REXO5: variants seen among roughly 807,000 people sequenced by gnomAD.
REXO5 encodes RNA exonuclease 5, also known as exonuclease NEF-sp.
A neutral mutation model predicts 88.5 loss-of-function variants in REXO5; 48 were observed. The observed-to-expected ratio is 0.54, with a 90% CI of 0.43 to 0.69. The LOEUF is 0.69. Among genes scored for constraint, REXO5 ranks in the 30% least tolerant of loss-of-function variants. REXO5 has a pLI of 0.00. For synonymous variants in REXO5, 311 were observed against 336.5 expected (o/e 0.92, Z 0.83); for missense variants, 749 against 912.2 (o/e 0.82, Z 2.30).
rs368224030 is a variant in REXO5, at chr16:20,843,649, G to A, written c.1627-285G>A. ...AAAAGACAAATGGGAATCTCTGCCC[G>A]TGACTTGCAGTGATGACTTTAGTGA... On this transcript the variant is annotated intron_variant, in intron 15 of 19. Transcript: ENST00000261377. Among the ~76,000 whole-genome samples the A allele has an allele frequency of 1.2e-4, 19 of 152,332 alleles. No individual in the cohort carries two copies. In the East Asian group the frequency reaches 2.7e-3, roughly 22 times the overall value.
intron 5 of REXO5, among the ~76,000 whole-genome samples, chr16:20,820,671 C>G (rs962900402): frequency 7.1e-6 from 1 of 140,310 alleles, no homozygotes; most frequent in South Asian, 2.4e-4. Context: ...TCAAGCAATT[C>G]TTGTGCCTTA....
intron 5 of REXO5, among the ~76,000 whole-genome samples, chr16:20,820,795 C>G (rs531998447): frequency 6.6e-6 from 1 of 151,400 alleles, no homozygotes; most frequent in East Asian, 1.9e-4. Context: ...AACTCCTGAC[C>G]TCAAGGGTTC....
rs775151702 is a variant in REXO5, at chr16:20,844,841, C to T, written c.1932C>T (p.Phe644=). 6.2e-7 allele frequency: 1 copy of T among 1,613,020 alleles called. No homozygotes were observed. Among genetic ancestry groups the T allele is most frequent in the East Asian group, 2.2e-5 (1 of 44,870 alleles). The change falls in exon 17 of 20, where the codon TTC becomes TTT. Residue 644 remains phenylalanine, a synonymous_variant. Coordinates refer to ENST00000261377, the MANE Select transcript of REXO5 (RefSeq NM_030941.3). The stretch of plus-strand genomic sequence containing the variant: ...GTGGAAAGCAGAAAAAATACTGTTT[C>T]CTGAGTAAGTCTATGCTACTGAATG... ...LKSGKQKKYC[F]LKFKSFGSAQ... is the part of the protein sequence containing the mutation.
chr16:20,827,008 G>T (rs1227489764), intron 8 of REXO5, 50 bp from the exon 9 acceptor site: 1 of 1,577,876 alleles, frequency 6.3e-7, no homozygotes, highest in African/African-American at 1.4e-5. Flanking sequence ...TTCCAGAGAG[G>T]AAAACTTGTT....
intron 2 of REXO5, among the ~76,000 whole-genome samples, chr16:20,808,441 C>T (rs920717078): frequency 7.9e-5 from 12 of 152,132 alleles, no homozygotes; most frequent in African/African-American, 2.9e-4. Flanking sequence ...TGAGCCACTG[C>T]ACCCAGCTAT....
rs116150993 is a variant in REXO5, at chr16:20,834,812, A to G, written c.1383+1689A>G. ...GAAGTTAACTTTTGTTCTATTTTGT[A>G]TCTTCCATGTGTCTAGTTAACATTC... is the stretch of plus-strand genomic sequence containing the variant. On this transcript the variant is annotated intron_variant, in intron 13 of 19. Transcript: ENST00000261377. Among the ~76,000 whole-genome samples the G allele has an allele frequency of 1.5e-3, 235 of 152,254 alleles. 2 individuals carry two copies. The highest frequency in any genetic ancestry group is 4.9e-3 in the Admixed American group (75 of 15,296).
intron 13 of REXO5, among the ~76,000 whole-genome samples, chr16:20,835,060 A>T (rs979759090): frequency 1.3e-5 from 2 of 152,064 alleles, no homozygotes; most frequent in Non-Finnish European, 1.5e-5. Flanking sequence ...ATATTTTTGT[A>T]TTTCTATAAA....
intron 15 of REXO5, among the ~76,000 whole-genome samples, chr16:20,840,807 C>T (rs1386538274): frequency 6.6e-6 from 1 of 152,052 alleles, no homozygotes; most frequent in Non-Finnish European, 1.5e-5. Context: ...CACATTGCTA[C>T]AAACAATTTA....
intron 2 of REXO5, among the ~76,000 whole-genome samples, chr16:20,812,827 T>C (rs1369463899): frequency 1.3e-5 from 2 of 152,224 alleles, no homozygotes; most frequent in Non-Finnish European, 2.9e-5. Flanking sequence ...CTAAGGCAGT[T>C]AGACTCCTTG....
At chr16:20,830,993 T>G (rs1455755172) in intron 11 of REXO5, among the ~76,000 whole-genome samples, 2 of 139,084 alleles carry the variant, frequency 1.4e-5, no homozygotes, top group Admixed American at 7.1e-5. Flanking sequence ...TTTTTCTGTT[T>G]TTTTTTTTTT....
rs753270619 is a variant in REXO5 at position 20,846,284 on chromosome 16, T to C, written c.2188T>C (p.Tyr730His). Residue 730 changes from tyrosine (Y) to histidine (H), a missense_variant, in exon 19 of 20, where the codon TAC becomes CAC. By Grantham distance (83) the Tyr-to-His change is moderately conservative. Transcript: ENST00000261377. ...WRWSRKIGKL[Y>H]NSLCPGTLCL... ...CTGGAGCCGGAAGATTGGAAAGCTC[T>C]ACAACAGCTTGTGCCCGGGCACTCT... The C allele has an allele frequency of 1.2e-6, 2 of 1,613,904 alleles. No individual in the cohort carries two copies. The highest frequency in any genetic ancestry group is 1.1e-5 in the South Asian group (1 of 91,076).
chr16:20,830,368 G>A (rs1021505916), intron 11 of REXO5, among the ~76,000 whole-genome samples: 6 of 143,016 alleles, frequency 4.2e-5, no homozygotes, highest in East Asian at 2.0e-4. Context: ...TTTTTTTTTT[G>A]TATTTTTATT....
At chr16:20,823,535 T>C (rs1447389596) in intron 6 of REXO5, 1 of 152,206 alleles carries the variant, frequency 6.6e-6, no homozygotes, top group Non-Finnish European at 1.5e-5. Flanking sequence ...ATAATATAGA[T>C]AAGGTAGGCA....
At chr16:20,840,936 C>A (rs1002063305) in intron 15 of REXO5, among the ~76,000 whole-genome samples, 3 of 152,048 alleles carry the variant, frequency 2.0e-5, no homozygotes, top group Non-Finnish European at 4.4e-5. Flanking sequence ...TATGATTGTA[C>A]CTCAGCTTTA....
chr16:20,844,999 T>C, intron 17 of REXO5, 55 bp from the exon 18 acceptor site: 1 of 1,587,794 alleles, frequency 6.3e-7, no homozygotes, highest in African/African-American at 1.3e-5. Flanking sequence ...GCAGCTTGGA[T>C]GGTGATCAGC....
chr16:20,827,566 G>GT (rs1353578803), intron 10 of REXO5, 119 bp downstream of exon 10: 17 of 717,248 alleles, frequency 2.4e-5, no homozygotes, highest in Admixed American at 1.7e-4. Context: ...CTTTAAACAT[G>GT]TTTTTTTGCA....
At position 20,827,359 on chromosome 16, in the gene REXO5, C is replaced by T. The variant is rs748387286; in HGVS notation, c.967C>T (p.His323Tyr). 3.7e-6 allele frequency: 6 copies of T among 1,611,360 alleles called. No individual in the cohort carries two copies. The highest frequency in any genetic ancestry group is 5.1e-6 in the Non-Finnish European group (6 of 1,178,240). The change falls in exon 10 of 20, where the codon CAT becomes TAT. Residue 323 changes from histidine (H) to tyrosine (Y), a missense_variant. Physicochemically the swap from His to Tyr is moderately conservative, Grantham distance 83. Coordinates refer to ENST00000261377, the MANE Select transcript of REXO5 (RefSeq NM_030941.3). ...TATTCTCTTTCTTCCTCAGATGATA[C>T]ATCCATATGTTATTGATACATCGTT... ...DLDLRALKMI[H>Y]PYVIDTSLLY...
At position 20,845,145 on chromosome 16, in the gene REXO5, G is replaced by GCACCT; in HGVS notation, c.2030_2034dup (p.His679ThrfsTer34). 6.2e-7 allele frequency: 1 copy of GCACCT among 1,614,126 alleles called. No individual in the cohort carries two copies. The highest frequency in any genetic ancestry group is 8.5e-7 in the Non-Finnish European group (1 of 1,180,022). On this transcript the variant is annotated frameshift_variant, in exon 18 of 20. Coordinates refer to ENST00000261377, the MANE Select transcript of REXO5 (RefSeq NM_030941.3). LOFTEE classifies it high-confidence loss of function. The stretch of plus-strand genomic sequence containing the variant: ...AAGGCAGGCATGCCCTAACCCCCAG[G>GCACCT]CACCTCCATGCCTGGCTCAGAGGCT...
At chr16:20,825,057 T>A (rs542574541) in intron 7 of REXO5, among the ~76,000 whole-genome samples, 1 of 152,320 alleles carries the variant, frequency 6.6e-6, no homozygotes, top group African/African-American at 2.4e-5. Flanking sequence ...TAATCAGGTC[T>A]TTGCATGTTG....
Sources: gnomAD v4.1 joint callset for allele counts (sites outside exome capture counted in the v4.1 genomes callset) on GRCh38, gnomAD v4.1.1 for gene constraint, MANE v1.5 for transcripts, NCBI Gene and HGNC (gene_info 2026-07-23, HGNC 2026-07-21) for gene names.